CACNB2: variants seen among roughly 807,000 people sequenced by gnomAD.
The protein encoded by CACNB2 is calcium voltage-gated channel auxiliary subunit beta 2, also known as voltage-dependent L-type calcium channel subunit beta-2.
Under a neutral mutation model 73.3 loss-of-function variants are expected in CACNB2, and 42 were observed. The ratio of observed to expected loss-of-function variants is 0.57; its 90% CI spans 0.45 to 0.74. The LOEUF (loss-of-function observed/expected upper bound fraction) is 0.74. CACNB2 is among the 30% of genes least tolerant of loss of function. The pLI is 0.00. For synonymous variants in CACNB2, 348 were observed against 310.3 expected (o/e 1.12, Z -1.28); for missense variants, 940 against 853.0 (o/e 1.10, Z -1.27).
chr10:18,177,680 T>C (rs1412279081), intron 2 of CACNB2, among the ~76,000 whole-genome samples: 1 of 152,068 alleles, frequency 6.6e-6, no homozygotes, highest in Non-Finnish European at 1.5e-5. Context: ...GGCTCCATCT[T>C]GGTAGGCTCT....
chr10:18,325,929 G>T (rs1190805489), intron 2 of CACNB2, among the ~76,000 whole-genome samples: 1 of 151,918 alleles, frequency 6.6e-6, no homozygotes, highest in Non-Finnish European at 1.5e-5. Flanking sequence ...ACTTTTTGTA[G>T]AGATGTAATT....
chr10:18,260,790 T>C, intron 2 of CACNB2: 2 of 1,011,298 alleles, frequency 2.0e-6, no homozygotes, highest in Non-Finnish European at 1.2e-6. Flanking sequence ...TAAGAAGCAG[T>C]CACATAAACA....
At chr10:18,426,897 G>GT (rs1304131521) in intron 3 of CACNB2, among the ~76,000 whole-genome samples, 1 of 137,516 alleles carries the variant, frequency 7.3e-6, no homozygotes. Context: ...CTAGTTTGCT[G>GT]TTTTTTTCTT....
chr10:18,200,119 T>C (rs1448177224), intron 2 of CACNB2, among the ~76,000 whole-genome samples: 3 of 152,240 alleles, frequency 2.0e-5, no homozygotes, highest in South Asian at 2.1e-4. Flanking sequence ...TTTTAAAACA[T>C]TGTTCCTAAA....
chr10:18,239,315 C>T (rs2036562202), intron 2 of CACNB2, among the ~76,000 whole-genome samples: 1 of 152,126 alleles, frequency 6.6e-6, no homozygotes, highest in Non-Finnish European at 1.5e-5. Context: ...AACCTCCCTC[C>T]CACCTTTCCG....
intron 2 of CACNB2, among the ~76,000 whole-genome samples, chr10:18,308,377 G>A (rs1322404927): frequency 6.6e-6 from 1 of 152,086 alleles, no homozygotes; most frequent in Admixed American, 6.5e-5. Context: ...TGCTATCACA[G>A]GGATTAGATG....
intron 3 of CACNB2, among the ~76,000 whole-genome samples, chr10:18,445,771 C>T (rs568080755): frequency 5.9e-5 from 9 of 152,094 alleles, no homozygotes; most frequent in South Asian, 2.1e-4. Context: ...TGATGGCTCA[C>T]GCCTGTAATC....
At chr10:18,152,709 C>CAAAA (rs772732675) in intron 2 of CACNB2, among the ~76,000 whole-genome samples, 678 of 49,114 alleles carry the variant, frequency 0.014, 53 homozygotes, top group East Asian at 0.045. Context: ...TGAAACAGAC[C>CAAAA]AAAAAAAAAA....
intron 4 of CACNB2, among the ~76,000 whole-genome samples, chr10:18,500,310 A>G (rs191408379): frequency 7.2e-5 from 11 of 152,380 alleles, no homozygotes; most frequent in Non-Finnish European, 1.3e-4. Context: ...ACATCACACA[A>G]GTAGAGAAAT....
rs1393897363 is a variant in CACNB2, at chr10:18,173,553, G to A, written c.213+22578G>A. On this transcript the variant is annotated intron_variant, in intron 2 of 13. Transcript: ENST00000324631. ...AATGAGGTTCCTGAGAGCTGAGGCT[G>A]TAAGAACTTTGAGTATAGTTTTGAC... 1.3e-5 allele frequency among the ~76,000 whole-genome samples: 2 copies of A among 152,204 alleles called. 1 individual carries two copies. The highest frequency in any genetic ancestry group is 1.3e-4 in the Admixed American group (2 of 15,288).
chr10:18,351,902 GGAA>G (rs1490319720), intron 2 of CACNB2, among the ~76,000 whole-genome samples: 2 of 152,152 alleles, frequency 1.3e-5, no homozygotes, highest in African/African-American at 2.4e-5. Flanking sequence ...GCAAACCAAA[GGAA>G]GAGAGTGATG....
In CACNB2 at chr10:18,151,931, C is replaced by G. The variant is rs1030414234; in HGVS notation, c.213+956C>G. On this transcript the variant is annotated intron_variant, in intron 2 of 13. Transcript: ENST00000324631. The stretch of plus-strand genomic sequence containing the variant: ...TGCCGCTTGAGTCCATCATCATGGC[C>G]ATAGATTCCACCCCTGCCCCCTGTT... 2.0e-4 allele frequency among the ~76,000 whole-genome samples: 31 copies of G among 152,278 alleles called. 1 individual carries two copies. Among genetic ancestry groups the G allele is most frequent in the South Asian group, 1.5e-3 (7 of 4,820 alleles).
At chr10:18,328,501 G>A (rs918219929) in intron 2 of CACNB2, among the ~76,000 whole-genome samples, 1 of 152,110 alleles carries the variant, frequency 6.6e-6, no homozygotes, top group Admixed American at 6.6e-5. Context: ...TGTTCTATAA[G>A]TATAACCACT....
intron 3 of CACNB2, among the ~76,000 whole-genome samples, chr10:18,423,840 GGAAA>G (rs1422950729): frequency 9.2e-5 from 14 of 152,048 alleles, no homozygotes; most frequent in Admixed American, 4.6e-4. Context: ...CATGATTACT[GGAAA>G]GAGTTTTTTC....
intron 2 of CACNB2, among the ~76,000 whole-genome samples, chr10:18,391,741 G>A (rs10764459): frequency 0.66 from 100,666 of 151,638 alleles, 33,733 homozygotes; most frequent in East Asian, 0.77. Flanking sequence ...AGCCTGGGCA[G>A]CATGGTGAAA....
At chr10:18,528,596 A>G (rs976420220) in intron 10 of CACNB2, among the ~76,000 whole-genome samples, 1 of 152,240 alleles carries the variant, frequency 6.6e-6, no homozygotes, top group Non-Finnish European at 1.5e-5. Context: ...TATATAAATA[A>G]CAGAAAAACT....
At chr10:18,500,365 A>T (rs774317683) in intron 4 of CACNB2, among the ~76,000 whole-genome samples, 1 of 152,228 alleles carries the variant, frequency 6.6e-6, no homozygotes, top group Non-Finnish European at 1.5e-5. Flanking sequence ...TGTTTGCACA[A>T]AGGTAAATTG....
intron 2 of CACNB2, among the ~76,000 whole-genome samples, chr10:18,389,886 G>A (rs2043389376): frequency 6.6e-6 from 1 of 152,056 alleles, no homozygotes; most frequent in Non-Finnish European, 1.5e-5. Context: ...GATGCTTATG[G>A]CTAATTGATT....
In CACNB2 at chr10:18,401,929, G is replaced by A. The variant is rs779134360; in HGVS notation, c.219G>A (p.Ser73=). The change falls in exon 3 of 14, where the codon TCG becomes TCA. Residue 73 remains serine, a synonymous_variant. Coordinates refer to ENST00000324631, the MANE Select transcript of CACNB2 (RefSeq NM_201596.3). Reference sequence around the variant, plus strand: ...ATGTACATTTTCCTCTCCAGGGTTCGGCAGACTCCTACACTAGCCGTCCAT... The same window carrying A: ...ATGTACATTTTCCTCTCCAGGGTTCAGCAGACTCCTACACTAGCCGTCCAT... ...TTSNSFVRQG[S]ADSYTSRPSD... 1.6e-5 allele frequency: 26 copies of A among 1,613,916 alleles called. No homozygotes were observed. Among genetic ancestry groups the A allele is most frequent in the Non-Finnish European group, 1.7e-5 (20 of 1,179,892 alleles).
Sources: allele counts gnomAD v4.1 joint callset (sites outside exome capture counted in the v4.1 genomes callset), GRCh38; gene constraint gnomAD v4.1.1; transcripts MANE v1.5; gene names NCBI Gene and HGNC (gene_info 2026-07-23, HGNC 2026-07-21).